The following CACNB4 variants were observed in gnomAD, a reference collection of about 807,000 sequenced individuals.
CACNB4 encodes the protein calcium voltage-gated channel auxiliary subunit beta 4, also known as voltage-dependent L-type calcium channel subunit beta-4.
CACNB4 carries 32 observed loss-of-function variants against 71.2 expected under a neutral mutation model. The observed-to-expected ratio is 0.45, with a 90% CI of 0.34 to 0.60. The LOEUF (loss-of-function observed/expected upper bound fraction) is 0.60. Among genes scored for constraint, CACNB4 ranks in the 20% least tolerant of loss-of-function variants. The pLI, the probability that CACNB4 is intolerant of heterozygous loss-of-function variation, is 0.01. For missense variants in CACNB4, 464 were observed against 647.9 expected, an observed-to-expected ratio of 0.72 and a Z score of 3.08; for synonymous variants, 231 against 236.9, an observed-to-expected ratio of 0.97 and a Z score of 0.23.
chr2:152,058,238 T>A (rs1011859052), intron 2 of CACNB4, among the ~76,000 whole-genome samples: 1 of 152,114 alleles, frequency 6.6e-6, no homozygotes, highest in Non-Finnish European at 1.5e-5. Context: ...CACAGCAGTA[T>A]GAAAACAGAC....
intron 2 of CACNB4, among the ~76,000 whole-genome samples, chr2:152,008,892 G>A (rs150119986): frequency 2.8e-4 from 43 of 152,258 alleles, no homozygotes; most frequent in East Asian, 2.1e-3. Context: ...GCACTAGCAC[G>A]GGGAAAGGCA....
intron 2 of CACNB4, among the ~76,000 whole-genome samples, chr2:151,912,868 T>C (rs549441711): frequency 5.3e-5 from 8 of 151,946 alleles, no homozygotes; most frequent in African/African-American, 1.7e-4. Context: ...TGGGTGCATA[T>C]ATATTTAGAA....
chr2:151,846,306 A>G (rs1441880272), intron 12 of CACNB4, among the ~76,000 whole-genome samples: 3 of 152,224 alleles, frequency 2.0e-5, no homozygotes, highest in Middle Eastern at 3.2e-3. Context: ...GAAATGAAGC[A>G]TATTCCATTT....
At chr2:151,952,581 T>C (rs1297218373) in intron 2 of CACNB4, among the ~76,000 whole-genome samples, 1 of 152,150 alleles carries the variant, frequency 6.6e-6, no homozygotes, top group African/African-American at 2.4e-5. Context: ...GACTGAGGTA[T>C]ATTTAAAACT....
At chr2:152,057,037 G>A (rs536553842) in intron 2 of CACNB4, among the ~76,000 whole-genome samples, 4 of 152,112 alleles carry the variant, frequency 2.6e-5, no homozygotes, top group Non-Finnish European at 4.4e-5. Flanking sequence ...AACAGAATAC[G>A]GCAACATTGA....
At chr2:151,980,130 T>C (rs1346888408) in intron 2 of CACNB4, among the ~76,000 whole-genome samples, 1 of 152,018 alleles carries the variant, frequency 6.6e-6, no homozygotes, top group Non-Finnish European at 1.5e-5. Context: ...CTCCCAGGAG[T>C]TTTTCTCTTT....
At chr2:152,074,359 A>G (rs1207735738) in intron 2 of CACNB4, among the ~76,000 whole-genome samples, 6 of 151,374 alleles carry the variant, frequency 4.0e-5, no homozygotes, top group African/African-American at 1.5e-4. Flanking sequence ...CATAATCACT[A>G]CTACCATTCC....
At chr2:151,983,674 G>GTC (rs567539192) in intron 2 of CACNB4, among the ~76,000 whole-genome samples, 8,722 of 49,984 alleles carry the variant, frequency 0.17, 864 homozygotes, top group East Asian at 0.57. Flanking sequence ...ATAAACTTTG[G>GTC]TCACACACAC....
intron 2 of CACNB4, among the ~76,000 whole-genome samples, chr2:151,986,162 C>G (rs1020480897): frequency 3.3e-5 from 5 of 152,074 alleles, no homozygotes; most frequent in Non-Finnish European, 7.4e-5. Flanking sequence ...ACTTATTTAC[C>G]TTGTGTGATC....
Position 151,834,724 on chromosome 2 carries a change from T to C in CACNB4, c.*4395A>G, listed in dbSNP as rs2099834520. ...GACTTGACTGGTTTGATCATGATTATTTTAAAGAAGAGGACTGTTCTCTGC... is the reference window on the plus strand; with the variant it reads ...GACTTGACTGGTTTGATCATGATTACTTTAAAGAAGAGGACTGTTCTCTGC... On this transcript the variant is annotated 3_prime_UTR_variant, in exon 14 of 14. Coordinates refer to ENST00000539935, the MANE Select transcript of CACNB4 (RefSeq NM_000726.5). 6.6e-6 allele frequency: 1 copy of C among 151,966 alleles called. No homozygotes were observed. Among genetic ancestry groups the C allele is most frequent in the African/African-American group, 2.4e-5 (1 of 41,444 alleles). The allele number at this position is 151,966 out of a possible 1,614,324, so 9.4% of individuals were successfully genotyped here.
chr2:151,861,897 G>C (rs1035731279), intron 9 of CACNB4, among the ~76,000 whole-genome samples: 2 of 147,364 alleles, frequency 1.4e-5, no homozygotes, highest in Non-Finnish European at 3.0e-5. Context: ...TAAATGCAGA[G>C]GGGCATCTAT....
At chr2:152,039,996 T>C (rs931106797) in intron 2 of CACNB4, among the ~76,000 whole-genome samples, 1 of 152,238 alleles carries the variant, frequency 6.6e-6, no homozygotes, top group Non-Finnish European at 1.5e-5. Flanking sequence ...GTATACTTTA[T>C]ATCCAAAAAG....
chr2:152,073,865 G>T (rs757577982), intron 2 of CACNB4, among the ~76,000 whole-genome samples: 3 of 152,172 alleles, frequency 2.0e-5, no homozygotes, highest in Non-Finnish European at 4.4e-5. Flanking sequence ...CTCATCTAAT[G>T]AGGAAATGTC....
chr2:152,007,164 A>G (rs1682776460), intron 2 of CACNB4, among the ~76,000 whole-genome samples: 1 of 152,110 alleles, frequency 6.6e-6, no homozygotes, highest in African/African-American at 2.4e-5. Context: ...ATTTTTGTGT[A>G]TGTGCCTTTT....
At chr2:152,097,422 G>A (rs1347399964) in intron 2 of CACNB4, among the ~76,000 whole-genome samples, 3 of 152,134 alleles carry the variant, frequency 2.0e-5, no homozygotes, top group African/African-American at 7.2e-5. Context: ...TTGGTGCGAT[G>A]ACCAATGTCT....
intron 2 of CACNB4, chr2:151,969,491 A>G (rs1401650326): frequency 6.6e-6 from 1 of 152,200 alleles, no homozygotes; most frequent in Non-Finnish European, 1.5e-5. Flanking sequence ...TTTGCCTTTC[A>G]ACTCTCTTGG....
chr2:151,959,645 T>C (rs1325176042), intron 2 of CACNB4, among the ~76,000 whole-genome samples: 1 of 152,202 alleles, frequency 6.6e-6, no homozygotes, highest in African/African-American at 2.4e-5. Flanking sequence ...TCTCATCCTT[T>C]TTCTATCTTA....
At chr2:151,858,115 G>A (rs985698159) in intron 10 of CACNB4, 1 of 152,166 alleles carries the variant, frequency 6.6e-6, no homozygotes, top group Admixed American at 6.5e-5. Context: ...AAAAATCTTG[G>A]CTACCTGGAC....
chr2:151,999,086 T>C (rs1436165772), intron 2 of CACNB4, among the ~76,000 whole-genome samples: 1 of 152,198 alleles, frequency 6.6e-6, no homozygotes, highest in African/African-American at 2.4e-5. Flanking sequence ...GTCAGCTGCT[T>C]GGCATAAGGA....
Sources: allele counts gnomAD v4.1 joint callset (sites outside exome capture counted in the v4.1 genomes callset), GRCh38; gene constraint gnomAD v4.1.1; transcripts MANE v1.5; gene names NCBI Gene and HGNC (gene_info 2026-07-23, HGNC 2026-07-21).